CDH18: variants seen among roughly 807,000 people sequenced by gnomAD.
The protein encoded by CDH18 is cadherin-18.
CDH18 carries 31 observed loss-of-function variants against 67.9 expected under a neutral mutation model. The observed-to-expected ratio is 0.46, with a 90% CI of 0.34 to 0.62. The LOEUF (loss-of-function observed/expected upper bound fraction) is 0.62, where lower values mean the gene tolerates loss of function less well. CDH18 is among the 20% of genes least tolerant of loss of function. The probability of loss-of-function intolerance (pLI) is 0.01; values close to 1 mark genes in which losing one functional copy is unlikely to be tolerated. For missense variants in CDH18, 890 were observed against 975.5 expected, an observed-to-expected ratio of 0.91 and a Z score of 1.17; for synonymous variants, 362 against 347.2, an observed-to-expected ratio of 1.04 and a Z score of -0.48.
chr5:19,717,896 TA>T (rs1283619626), intron 5 of CDH18, among the ~76,000 whole-genome samples: 1 of 152,074 alleles, frequency 6.6e-6, no homozygotes, highest in African/African-American at 2.4e-5. Context: ...TAGTTAATGT[TA>T]AACCATCATT....
intron 1 of CDH18, among the ~76,000 whole-genome samples, chr5:20,539,733 T>TACAC (rs67594407): frequency 1.8e-4 from 27 of 146,780 alleles, no homozygotes; most frequent in Admixed American, 8.2e-4. Flanking sequence ...CCACCACCAC[T>TACAC]ACACACACAC....
chr5:20,448,342 A>G (rs889968181), intron 1 of CDH18, among the ~76,000 whole-genome samples: 12 of 151,936 alleles, frequency 7.9e-5, no homozygotes, highest in Non-Finnish European at 1.5e-5. Flanking sequence ...CATTTATCAC[A>G]CATAAGTTTA....
At chr5:20,239,554 A>G (rs1742732753) in intron 2 of CDH18, among the ~76,000 whole-genome samples, 1 of 152,332 alleles carries the variant, frequency 6.6e-6, no homozygotes, top group African/African-American at 2.4e-5. Flanking sequence ...AGAAAGGATT[A>G]TGAAAGAAGG....
intron 3 of CDH18, among the ~76,000 whole-genome samples, chr5:19,763,458 TG>T (rs1156399856): frequency 6.6e-6 from 1 of 152,122 alleles, no homozygotes; most frequent in Non-Finnish European, 1.5e-5. Context: ...ACTGCATAAT[TG>T]AAGTTGCAAT....
chr5:19,913,567 G>A (rs1791399300), intron 2 of CDH18, among the ~76,000 whole-genome samples: 1 of 152,040 alleles, frequency 6.6e-6, no homozygotes, highest in Non-Finnish European at 1.5e-5. Flanking sequence ...TCAGAGAGTA[G>A]GTATGTGTTC....
At chr5:19,860,000 G>GTGTGTT (rs1554052098) in intron 2 of CDH18, among the ~76,000 whole-genome samples, 3 of 150,820 alleles carry the variant, frequency 2.0e-5, no homozygotes, top group Non-Finnish European at 4.4e-5. Context: ...GTGTGTGTGT[G>GTGTGTT]TGTGTGTGTG....
At chr5:20,268,097 G>C (rs570315726) in intron 1 of CDH18, among the ~76,000 whole-genome samples, 2 of 152,146 alleles carry the variant, frequency 1.3e-5, no homozygotes, top group Non-Finnish European at 2.9e-5. Context: ...ATTGCCTCCA[G>C]TTGCACACAT....
At chr5:20,430,213 A>C (rs1748628517) in intron 1 of CDH18, among the ~76,000 whole-genome samples, 1 of 152,204 alleles carries the variant, frequency 6.6e-6, no homozygotes, top group South Asian at 2.1e-4. Context: ...TTAACAGCGT[A>C]CTATGAAGAA....
At chr5:19,878,672 C>T (rs1448070099) in intron 2 of CDH18, among the ~76,000 whole-genome samples, 2 of 151,736 alleles carry the variant, frequency 1.3e-5, no homozygotes, top group Admixed American at 1.3e-4. Flanking sequence ...TTTATCTTAT[C>T]CATGAAAAAA....
chr5:19,893,917 T>A (rs1480567051), intron 2 of CDH18, among the ~76,000 whole-genome samples: 1 of 152,114 alleles, frequency 6.6e-6, no homozygotes, highest in African/African-American at 2.4e-5. Flanking sequence ...GGTGGGAAAG[T>A]AAACAAGCAG....
At position 19,603,696 on chromosome 5, in the gene CDH18, A is replaced by T. The variant is rs1161230203; in HGVS notation, c.811+8738T>A. Among the ~76,000 whole-genome samples the T allele has an allele frequency of 2.6e-5, 4 of 151,314 alleles. 1 individual carries two copies. The highest frequency in any genetic ancestry group is 5.9e-5 in the Non-Finnish European group (4 of 67,784). On this transcript the variant is annotated intron_variant, in intron 6 of 12. Coordinates refer to ENST00000382275, the MANE Select transcript of CDH18 (RefSeq NM_004934.5). ...ACCAAAATATATAATTATCTTCAAA[A>T]TGCTAGTTTTGCTTGGATTTTCAGT... is the stretch of plus-strand genomic sequence containing the variant.
intron 5 of CDH18, among the ~76,000 whole-genome samples, chr5:19,717,257 A>G (rs1436032929): frequency 6.6e-6 from 1 of 152,138 alleles, no homozygotes; most frequent in East Asian, 1.9e-4. Context: ...CTTAAATTAG[A>G]TGCACTAACA....
chr5:19,713,957 C>G (rs895531566), intron 5 of CDH18, among the ~76,000 whole-genome samples: 8 of 152,078 alleles, frequency 5.3e-5, no homozygotes, highest in African/African-American at 2.4e-5. Context: ...GTGCACTGTA[C>G]TATGAAGGTG....
intron 2 of CDH18, among the ~76,000 whole-genome samples, chr5:20,073,510 GC>G (rs1358456635): frequency 1.3e-5 from 2 of 152,004 alleles, no homozygotes; most frequent in South Asian, 4.1e-4. Context: ...GTGAAATTGT[GC>G]TTAGTAATGG....
chr5:20,487,623 G>A (rs1753285882), intron 1 of CDH18, among the ~76,000 whole-genome samples: 1 of 151,162 alleles, frequency 6.6e-6, no homozygotes, highest in African/African-American at 2.4e-5. Flanking sequence ...TACAGCCAAA[G>A]TATATAAATT....
chr5:20,111,542 CTTTCT>C (rs1382328091), intron 2 of CDH18, among the ~76,000 whole-genome samples: 1 of 100,028 alleles, frequency 1.0e-5, no homozygotes, highest in African/African-American at 3.5e-5. Flanking sequence ...TTCCTTCCTT[CTTTCT>C]TTTTTTTTTT....
At chr5:19,675,015 A>T (rs1421933970) in intron 5 of CDH18, among the ~76,000 whole-genome samples, 1 of 152,122 alleles carries the variant, frequency 6.6e-6, no homozygotes, top group Non-Finnish European at 1.5e-5. Flanking sequence ...GAAAGAGTAC[A>T]AAAGAGAGAA....
intron 2 of CDH18, among the ~76,000 whole-genome samples, chr5:20,191,575 A>G (rs1004047640): frequency 6.6e-6 from 1 of 151,810 alleles, no homozygotes; most frequent in African/African-American, 2.4e-5. Flanking sequence ...ATGTGTTCTC[A>G]ACGTTCAACC....
intron 1 of CDH18, among the ~76,000 whole-genome samples, chr5:20,570,698 G>A (rs1365119871): frequency 6.6e-6 from 1 of 152,178 alleles, no homozygotes; most frequent in African/African-American, 2.4e-5. Flanking sequence ...GCTGGCTCAA[G>A]GATGAAGGTA....
Sources: allele counts gnomAD v4.1 joint callset (sites outside exome capture counted in the v4.1 genomes callset), GRCh38; gene constraint gnomAD v4.1.1; transcripts MANE v1.5; gene names NCBI Gene and HGNC (gene_info 2026-07-23, HGNC 2026-07-21).